The following TRDN variants were observed in gnomAD, a reference collection of about 807,000 sequenced individuals.
TRDN encodes triadin in skeletal muscle.
In TRDN, 161 loss-of-function variants were observed where a neutral mutation model predicts 149.7. The ratio of observed to expected loss-of-function variants is 1.08; its 90% CI spans 0.95 to 1.23. The LOEUF (loss-of-function observed/expected upper bound fraction) is 1.23. Ranked by LOEUF, TRDN falls within the 50% of genes most tolerant of loss-of-function variation. TRDN has a pLI of 0.00. For missense variants in TRDN, 896 were observed against 823.5 expected (o/e 1.09, Z -1.08); for synonymous variants, 294 against 250.5 (o/e 1.17, Z -1.64).
At chr6:123,546,852 A>G (rs1329993443) in intron 4 of TRDN, among the ~76,000 whole-genome samples, 1 of 152,068 alleles carries the variant, frequency 6.6e-6, no homozygotes, top group Non-Finnish European at 1.5e-5. Context: ...CATCACACAT[A>G]CCAACTGGAT....
rs183902553 is a variant in TRDN at position 123,347,136 on chromosome 6, T to C, written c.1369+5403A>G. On this transcript the variant is annotated intron_variant, in intron 21 of 40. Transcript: ENST00000334268. ...AACTTGTGTTACCCTCTAAGGAATT[T>C]AAATGTATATGCTTCCAGTGATAAG... Among the ~76,000 whole-genome samples, 295 of 152,168 alleles carry C rather than the reference T, an allele frequency of 1.9e-3. 1 individual carries two copies. Among genetic ancestry groups the C allele is most frequent in the South Asian group, 4.8e-3 (23 of 4,826 alleles).
intron 1 of TRDN, among the ~76,000 whole-genome samples, chr6:123,621,173 C>T (rs1398815141): frequency 2.0e-5 from 3 of 152,114 alleles, no homozygotes; most frequent in Non-Finnish European, 4.4e-5. Flanking sequence ...AAAGGGGTTG[C>T]TATACGGTGA....
chr6:123,485,256 G>A (rs1777924187), intron 9 of TRDN, among the ~76,000 whole-genome samples: 1 of 152,068 alleles, frequency 6.6e-6, no homozygotes, highest in Admixed American at 6.6e-5. Flanking sequence ...TGTTAATTCT[G>A]AGCTTCTGTC....
At chr6:123,585,043 A>G (rs1274144038) in intron 1 of TRDN, among the ~76,000 whole-genome samples, 24 of 151,728 alleles carry the variant, frequency 1.6e-4, no homozygotes, top group Admixed American at 3.9e-4. Context: ...GGATATTGGC[A>G]TTGATTGGAG....
In TRDN at chr6:123,310,565, C is replaced by A. The variant is rs1238019870; in HGVS notation, c.1510+5892G>T. On this transcript the variant is annotated intron_variant, in intron 24 of 40. Transcript: ENST00000334268. The stretch of plus-strand genomic sequence containing the variant: ...ATCATAATTGAAGAAAAAATGAAGT[C>A]ATTATATGACAACTTAAAGAAAAAG... Among the ~76,000 whole-genome samples the A allele has an allele frequency of 2.6e-5, 4 of 151,744 alleles. No homozygotes were observed. The East Asian group carries it at 7.7e-4, about 29-fold the overall frequency.
intron 24 of TRDN, 73 bp from the exon 25 acceptor site, chr6:123,279,155 TATA>T: frequency 8.5e-7 from 1 of 1,178,952 alleles, no homozygotes; most frequent in Non-Finnish European, 1.2e-6. Context: ...TTGAATATGA[TATA>T]ATATATTTGA....
chr6:123,271,555 T>G (rs1436597008), intron 29 of TRDN, among the ~76,000 whole-genome samples: 6 of 152,000 alleles, frequency 3.9e-5, no homozygotes, highest in Admixed American at 3.3e-4. Context: ...GAGCAATTTT[T>G]TATCTTCTTG....
chr6:123,427,566 C>T (rs1236967095), intron 12 of TRDN, among the ~76,000 whole-genome samples: 1 of 152,020 alleles, frequency 6.6e-6, no homozygotes, highest in Non-Finnish European at 1.5e-5. Flanking sequence ...AAAAGATTCC[C>T]CATATAATCT....
intron 2 of TRDN, among the ~76,000 whole-genome samples, chr6:123,563,798 GTTTGTTTTTGTT>G (rs201738708): frequency 0.02 from 2,966 of 152,076 alleles, 41 homozygotes; most frequent in Admixed American, 0.026. Context: ...TTACTTTTTT[GTTTGTTTTTGTT>G]TTTGTTTTTG....
chr6:123,500,068 C>CAAAT (rs1198143614), intron 8 of TRDN, among the ~76,000 whole-genome samples: 1 of 151,954 alleles, frequency 6.6e-6, no homozygotes, highest in East Asian at 1.9e-4. Context: ...AAAAATCATT[C>CAAAT]ATTTAATTAA....
chr6:123,299,038 T>C (rs1778309740), intron 24 of TRDN, among the ~76,000 whole-genome samples: 1 of 152,074 alleles, frequency 6.6e-6, no homozygotes, highest in South Asian at 2.1e-4. Context: ...GAGATAATTT[T>C]CTATTGATTA....
chr6:123,486,098 T>C (rs1435567173), intron 9 of TRDN, among the ~76,000 whole-genome samples: 1 of 152,066 alleles, frequency 6.6e-6, no homozygotes, highest in Non-Finnish European at 1.5e-5. Flanking sequence ...TTAAAGGGCA[T>C]ACAAGTGCAG....
At position 123,252,441 on chromosome 6, in the gene TRDN, A is replaced by T. The variant is rs1452400104; in HGVS notation, c.1952-6T>A. On this transcript the variant is annotated splice_region_variant and splice_polypyrimidine_tract_variant and intron_variant, in intron 37 of 40. Coordinates refer to ENST00000334268, the MANE Select transcript of TRDN (RefSeq NM_006073.4). ...TACTCTTGCAGGTTTTTCTGCTAAA[A>T]AGAGAAAATAAATAAGTTTTGTTTA... The T allele has an allele frequency of 2.7e-6, 4 of 1,495,888 alleles. No individual in the cohort carries two copies. In the African/African-American group the frequency reaches 5.5e-5, roughly 21 times the overall value. 92.7% of individuals were successfully genotyped at this position (1,495,888 alleles called of 1,614,324 possible). A position where few individuals can be genotyped will look rare whatever the true frequency, so the allele number is the denominator to read the frequency against.
chr6:123,454,606 C>T (rs928718903), intron 10 of TRDN, among the ~76,000 whole-genome samples: 2 of 152,186 alleles, frequency 1.3e-5, no homozygotes, highest in Admixed American at 1.3e-4. Flanking sequence ...CCCTGTGCTG[C>T]AAGCCAGTAT....
intron 10 of TRDN, among the ~76,000 whole-genome samples, chr6:123,448,831 C>A (rs1775568869): frequency 6.6e-6 from 1 of 152,100 alleles, no homozygotes; most frequent in Admixed American, 6.6e-5. Flanking sequence ...ACTCCCCTGC[C>A]ACCTCCACCA....
intron 1 of TRDN, among the ~76,000 whole-genome samples, chr6:123,619,144 C>A (rs1785250770): frequency 6.6e-6 from 1 of 152,210 alleles, no homozygotes; most frequent in South Asian, 2.1e-4. Context: ...GAGGAGATTA[C>A]AAAAATGCTA....
chr6:123,622,292 T>A (rs551234878), intron 1 of TRDN, among the ~76,000 whole-genome samples: 1 of 128,102 alleles, frequency 7.8e-6, no homozygotes, highest in African/African-American at 3.3e-5. Flanking sequence ...ATTGTAATTA[T>A]CTCTCTCTCT....
intron 14 of TRDN, among the ~76,000 whole-genome samples, chr6:123,387,501 C>T (rs1177946431): frequency 2.0e-5 from 3 of 152,106 alleles, no homozygotes; most frequent in East Asian, 1.9e-4. Flanking sequence ...TCTGCTTGGG[C>T]GTTTACTGTG....
At chr6:123,296,985 T>C (rs2114661528) in intron 24 of TRDN, among the ~76,000 whole-genome samples, 1 of 152,172 alleles carries the variant, frequency 6.6e-6, no homozygotes, top group African/African-American at 2.4e-5. Flanking sequence ...GAAATATTAT[T>C]TATGGTGTTT....
Sources: allele counts gnomAD v4.1 joint callset (sites outside exome capture counted in the v4.1 genomes callset), GRCh38; gene constraint gnomAD v4.1.1; transcripts MANE v1.5; gene names NCBI Gene and HGNC (gene_info 2026-07-23, HGNC 2026-07-21).